Variants in HS6ST2 observed in about 807,000 individuals in gnomAD.
The protein encoded by HS6ST2 is heparan-sulfate 6-O-sulfotransferase 2.
A neutral mutation model predicts 33.0 loss-of-function variants in HS6ST2; 17 were observed. The observed-to-expected ratio is 0.52, with a 90% CI of 0.35 to 0.77. The LOEUF is 0.77. Among genes scored for constraint, HS6ST2 ranks in the 30% least tolerant of loss-of-function variants. HS6ST2 has a pLI of 0.01. For missense variants in HS6ST2, 519 were observed against 551.7 expected (o/e 0.94, Z 0.59); for synonymous variants, 248 against 237.1 (o/e 1.05, Z -0.42).
At position 132,807,182 on chromosome X, in the gene HS6ST2, T is replaced by G. The variant is rs184041997; in HGVS notation, c.948-98688A>C. The stretch of plus-strand genomic sequence containing the variant: ...CCAAGGCCTGAGCTCCTTACCACTC[T>G]CTATAGAAAGGGAGTGCCAAATCCA... On this transcript the variant is annotated intron_variant, in intron 2 of 4. Coordinates refer to ENST00000370833, the MANE Select transcript of HS6ST2 (RefSeq NM_001394073.1). Among the ~76,000 whole-genome samples the G allele has an allele frequency of 6.4e-5, 7 of 110,212 alleles. No individual in the cohort carries two copies. In the East Asian group the frequency reaches 1.7e-3, roughly 27 times the overall value.
At chrX:132,939,240 T>C (rs944316659) in intron 2 of HS6ST2, among the ~76,000 whole-genome samples, 1 of 111,554 alleles carries the variant, frequency 9.0e-6, no homozygotes, top group African/African-American at 3.3e-5. Context: ...AACTCTATCA[T>C]TTGTATACAG....
chrX:132,657,477 G>A (rs1268785365), intron 4 of HS6ST2, among the ~76,000 whole-genome samples: 1 of 110,563 alleles, frequency 9.0e-6, no homozygotes, highest in African/African-American at 3.3e-5. Context: ...GCACATAGAT[G>A]GCAAGAAGAC....
At chrX:132,663,623 T>C (rs1374544429) in intron 4 of HS6ST2, among the ~76,000 whole-genome samples, 4 of 112,961 alleles carry the variant, frequency 3.5e-5, no homozygotes, top group African/African-American at 1.3e-4. Flanking sequence ...ATATTAGACT[T>C]AGTCTAGTAG....
intron 2 of HS6ST2, among the ~76,000 whole-genome samples, chrX:132,844,431 T>G (rs955487872): frequency 8.9e-6 from 1 of 111,753 alleles, no homozygotes; most frequent in African/African-American, 3.3e-5. Flanking sequence ...ATTTAAGTTG[T>G]GAACTCAAGA....
intron 2 of HS6ST2, among the ~76,000 whole-genome samples, chrX:132,885,244 G>A (rs757420993): frequency 6.8e-4 from 76 of 111,796 alleles, no homozygotes; most frequent in Non-Finnish European, 1.3e-3. Flanking sequence ...AAACAGAAAT[G>A]AGAAGAGATT....
chrX:132,703,669 C>A (rs1176696924), intron 3 of HS6ST2, among the ~76,000 whole-genome samples: 2 of 112,243 alleles, frequency 1.8e-5, no homozygotes, highest in African/African-American at 6.5e-5. Context: ...TAGACATAAT[C>A]ATTCTTACCC....
chrX:132,811,685 A>AATTATAT lies in HS6ST2; in HGVS notation c.948-103192_948-103191insATATAAT, dbSNP rs1556452318. Among the ~76,000 whole-genome samples the AATTATAT allele has an allele frequency of 4.0e-4, 12 of 29,814 alleles. 1 individual carries two copies. The highest frequency in any genetic ancestry group is 5.4e-4 in the Non-Finnish European group (10 of 18,650). The allele number at this position is 29,814 out of a possible 115,157, so 25.9% of individuals were successfully genotyped here. ...CAGAACTTTGTTTTAAAGGCTGAAT[A>AATTATAT]ATATATATATATATATATATATATA... On this transcript the variant is annotated intron_variant, in intron 2 of 4. Coordinates refer to ENST00000370833, the MANE Select transcript of HS6ST2 (RefSeq NM_001394073.1).
chrX:132,915,490 T>C (rs2066576783), intron 2 of HS6ST2, among the ~76,000 whole-genome samples: 3 of 111,743 alleles, frequency 2.7e-5, no homozygotes, highest in African/African-American at 9.8e-5. Flanking sequence ...ACGGATGGTC[T>C]TCTCAGTTCT....
intron 2 of HS6ST2, among the ~76,000 whole-genome samples, chrX:132,821,728 C>T (rs770510391): frequency 1.8e-5 from 2 of 111,848 alleles, no homozygotes; most frequent in South Asian, 3.8e-4. Context: ...TGGTGGTTCA[C>T]GCCTATAATT....
intron 2 of HS6ST2, among the ~76,000 whole-genome samples, chrX:132,743,779 GT>G (rs2064606939): frequency 9.0e-6 from 1 of 111,532 alleles, no homozygotes; most frequent in African/African-American, 3.3e-5. Context: ...TTGTTTGTTT[GT>G]TTTTTGAGAC....
chrX:132,789,520 C>T (rs2065098281), intron 2 of HS6ST2, among the ~76,000 whole-genome samples: 1 of 112,044 alleles, frequency 8.9e-6, no homozygotes, highest in African/African-American at 3.2e-5. Context: ...GCTAACACAA[C>T]ATCCATTCTT....
intron 2 of HS6ST2, among the ~76,000 whole-genome samples, chrX:132,765,613 T>C (rs1432245957): frequency 9.0e-6 from 1 of 110,850 alleles, no homozygotes; most frequent in Non-Finnish European, 1.9e-5. Context: ...TGCACCACCA[T>C]GCCCAGCTAA....
In HS6ST2 at chrX:132,669,087, A is replaced by G. The variant is rs775247945; in HGVS notation, c.1067+26T>C. The G allele has an allele frequency of 3.9e-6, 4 of 1,024,144 alleles. No individual in the cohort carries two copies. In the African/African-American group the frequency reaches 7.5e-5, roughly 19 times the overall value. The allele number at this position is 1,024,144 out of a possible 1,213,427, so 84.4% of individuals were successfully genotyped here. On this transcript the variant is annotated intron_variant, in intron 4 of 4. Coordinates refer to ENST00000370833, the MANE Select transcript of HS6ST2 (RefSeq NM_001394073.1). ...CTTGACTTTTTGACAGCTATGTCAG[A>G]TGTACAGGAGCACTTTTTCACTTAC...
At chrX:132,796,344 C>G (rs1469318644) in intron 2 of HS6ST2, among the ~76,000 whole-genome samples, 2 of 111,862 alleles carry the variant, frequency 1.8e-5, no homozygotes, top group Non-Finnish European at 3.8e-5. Flanking sequence ...ACCTGGATAC[C>G]ATTTTCCTCT....
At chrX:132,877,605 C>A (rs1280930945) in intron 2 of HS6ST2, among the ~76,000 whole-genome samples, 1 of 111,236 alleles carries the variant, frequency 9.0e-6, no homozygotes, top group African/African-American at 3.3e-5. Context: ...TCAATGAATG[C>A]TGCCCAAAAG....
At chrX:132,785,737 T>C (rs1006882475) in intron 2 of HS6ST2, among the ~76,000 whole-genome samples, 2 of 112,255 alleles carry the variant, frequency 1.8e-5, no homozygotes, top group African/African-American at 6.5e-5. Flanking sequence ...GCTGAGTTCA[T>C]GTGCTCTCAG....
chrX:132,644,641 C>T (rs943428821), intron 4 of HS6ST2, among the ~76,000 whole-genome samples: 1 of 111,498 alleles, frequency 9.0e-6, no homozygotes, highest in African/African-American at 3.3e-5. Flanking sequence ...TGTCTCTCAA[C>T]ACAGGGCCCA....
At chrX:132,833,010 T>C (rs2065605162) in intron 2 of HS6ST2, among the ~76,000 whole-genome samples, 1 of 111,763 alleles carries the variant, frequency 8.9e-6, no homozygotes, top group African/African-American at 3.2e-5. Flanking sequence ...CTAATCCACT[T>C]TCTGTCTTTA....
At chrX:132,914,027 T>C (rs974367711) in intron 2 of HS6ST2, among the ~76,000 whole-genome samples, 3 of 112,028 alleles carry the variant, frequency 2.7e-5, no homozygotes, top group Non-Finnish European at 5.6e-5. Flanking sequence ...ATGCTGTCCT[T>C]TCACCCAGCC....
Sources: gnomAD v4.1 joint callset for allele counts (sites outside exome capture counted in the v4.1 genomes callset) on GRCh38, gnomAD v4.1.1 for gene constraint, MANE v1.5 for transcripts, NCBI Gene and HGNC (gene_info 2026-07-23, HGNC 2026-07-21) for gene names.